The following STIM2 variants were observed in gnomAD, a reference collection of about 807,000 sequenced individuals.
STIM2 encodes stromal interaction molecule 2.
STIM2 carries 31 observed loss-of-function variants against 85.8 expected under a neutral mutation model. That is an observed-to-expected ratio of 0.36 (90% CI 0.27 to 0.49). STIM2 has a LOEUF of 0.49. Ranked by LOEUF, STIM2 falls within the 20% of genes least tolerant of loss-of-function variation. The pLI, the probability that STIM2 is intolerant of heterozygous loss-of-function variation, is 0.98. For missense variants in STIM2, 841 were observed against 927.6 expected, an observed-to-expected ratio of 0.91 and a Z score of 1.21; for synonymous variants, 356 against 331.1, an observed-to-expected ratio of 1.08 and a Z score of -0.82.
At chr4:26,978,736 A>T (rs780910947) in intron 3 of STIM2, among the ~76,000 whole-genome samples, 4 of 152,090 alleles carry the variant, frequency 2.6e-5, no homozygotes, top group Non-Finnish European at 5.9e-5. Context: ...GGTGATTTGG[A>T]GTCTTGTCTC....
chr4:26,939,574 ATT>A (rs1402855334), intron 2 of STIM2, among the ~76,000 whole-genome samples: 1 of 152,164 alleles, frequency 6.6e-6, no homozygotes, highest in Non-Finnish European at 1.5e-5. Flanking sequence ...TTTTACTTTA[ATT>A]GTCAGTCCTT....
At chr4:26,875,830 C>T (rs1438347259) in intron 1 of STIM2, among the ~76,000 whole-genome samples, 1 of 152,100 alleles carries the variant, frequency 6.6e-6, no homozygotes, top group Non-Finnish European at 1.5e-5. Context: ...CCACAAAAGC[C>T]CTTACTAATA....
intron 11 of STIM2, chr4:27,021,017 G>C (rs750475852): frequency 1.3e-6 from 2 of 1,535,916 alleles, no homozygotes; most frequent in Admixed American, 2.0e-5. Flanking sequence ...CCTTGGGCTC[G>C]GTGCGTGCAA....
chr4:27,011,694 C>A (rs1401865437), intron 10 of STIM2, among the ~76,000 whole-genome samples: 1 of 152,052 alleles, frequency 6.6e-6, no homozygotes, highest in Non-Finnish European at 1.5e-5. Flanking sequence ...TTTTTATTTC[C>A]TTGATGACTG....
At chr4:26,873,491 GC>G in intron 1 of STIM2, 1 of 338,286 alleles carries the variant, frequency 3.0e-6, no homozygotes, top group Non-Finnish European at 5.7e-6. Context: ...GAGCAGGGGG[GC>G]TCTGGGTCCC....
chr4:26,874,317 A>G (rs1207819708), intron 1 of STIM2: 3 of 363,748 alleles, frequency 8.2e-6, no homozygotes, highest in East Asian at 6.9e-5. Flanking sequence ...TCCGGCGCAC[A>G]GAGGCCCCTA....
At chr4:26,912,740 C>T (rs1171675155) in intron 1 of STIM2, among the ~76,000 whole-genome samples, 1 of 152,148 alleles carries the variant, frequency 6.6e-6, no homozygotes, top group East Asian at 1.9e-4. Flanking sequence ...TATTCTATTA[C>T]TTCTTGCCTA....
rs1240513260 is a variant in STIM2, at chr4:26,890,052, A to G, written c.151+28683A>G. ...GCCATTTCTTCTTCCAAGCAAAATGAGAGCCAAGTGTGCTGCCCAAAGTTC... is the reference window on the plus strand; with the variant it reads ...GCCATTTCTTCTTCCAAGCAAAATGGGAGCCAAGTGTGCTGCCCAAAGTTC... On this transcript the variant is annotated intron_variant, in intron 1 of 11. Transcript: ENST00000467087. Among the ~76,000 whole-genome samples, 3 of 152,302 alleles carry G rather than the reference A, an allele frequency of 2.0e-5. No individual in the cohort carries two copies. The South Asian group carries it at 6.2e-4, about 32-fold the overall frequency.
At chr4:26,895,624 G>GT (rs1316805535) in intron 1 of STIM2, among the ~76,000 whole-genome samples, 7 of 152,128 alleles carry the variant, frequency 4.6e-5, no homozygotes, top group Non-Finnish European at 1.0e-4. Context: ...AGTTTCATCA[G>GT]TTTTAAGTCT....
At chr4:26,941,885 ACACT>A (rs1245072178) in intron 2 of STIM2, among the ~76,000 whole-genome samples, 7 of 152,180 alleles carry the variant, frequency 4.6e-5, no homozygotes, top group Admixed American at 4.6e-4. Context: ...TGAAAACTAC[ACACT>A]CAATTGTATT....
rs189760996 is a variant in STIM2 at position 26,877,508 on chromosome 4, G to A, written c.151+16139G>A. Among the ~76,000 whole-genome samples the A allele has an allele frequency of 4.4e-3, 663 of 149,196 alleles. 8 individuals carry two copies. The highest frequency in any genetic ancestry group is 0.016 in the African/African-American group (642 of 40,528). On this transcript the variant is annotated intron_variant, in intron 1 of 11. Transcript: ENST00000467087. ...TCTGTTGTTTGCTTTATCTCTTGAC[G>A]ATGGGTTGTTTTTTTTTTTTTCCTT...
intron 3 of STIM2, among the ~76,000 whole-genome samples, chr4:26,975,437 CTTTTTGTTGATGTTGATGCTAT>C (rs1399464213): frequency 6.6e-6 from 1 of 151,854 alleles, no homozygotes; most frequent in Non-Finnish European, 1.5e-5. Context: ...TGTAGATGAC[CTTTTTGTTGATGTTGATGCTAT>C]TCCTTTCTGT....
intron 1 of STIM2, among the ~76,000 whole-genome samples, chr4:26,889,372 C>T (rs2109043338): frequency 6.6e-6 from 1 of 152,282 alleles, no homozygotes; most frequent in South Asian, 2.1e-4. Flanking sequence ...TAGTATGGGT[C>T]CACTGTTACA....
intron 3 of STIM2, among the ~76,000 whole-genome samples, chr4:26,983,554 G>A (rs191009678): frequency 1.3e-5 from 2 of 152,270 alleles, no homozygotes; most frequent in East Asian, 3.9e-4. Flanking sequence ...TCTGAGTACA[G>A]TTGCCTTGAA....
chr4:26,903,965 C>CT (rs1472866217), intron 1 of STIM2, among the ~76,000 whole-genome samples: 1 of 151,160 alleles, frequency 6.6e-6, no homozygotes, highest in Non-Finnish European at 1.5e-5. Context: ...TTTTATTATA[C>CT]TTTAAGTTTT....
chr4:26,953,071 A>T, intron 2 of STIM2, among the ~76,000 whole-genome samples: 1 of 152,114 alleles, frequency 6.6e-6, no homozygotes, highest in Non-Finnish European at 1.5e-5. Context: ...GACCTTGGAC[A>T]TTGTGTTGTT....
At chr4:26,999,562 A>G (rs1728072995) in intron 5 of STIM2, among the ~76,000 whole-genome samples, 1 of 152,222 alleles carries the variant, frequency 6.6e-6, no homozygotes, top group African/African-American at 2.4e-5. Flanking sequence ...TACTAATGTA[A>G]GAAGTTATAT....
rs577776224 is a variant in STIM2 at position 26,875,789 on chromosome 4, G to T, written c.151+14420G>T. 1.5e-3 allele frequency among the ~76,000 whole-genome samples: 225 copies of T among 152,186 alleles called. 1 individual carries two copies. Among genetic ancestry groups the T allele is most frequent in the African/African-American group, 5.3e-3 (219 of 41,516 alleles). The stretch of plus-strand genomic sequence containing the variant: ...ATTTCAAATTGAAAAACAGACCTTT[G>T]GGAAAAATAGGCTTTAGAGATACTG... On this transcript the variant is annotated intron_variant, in intron 1 of 11. Transcript: ENST00000467087.
Position 27,017,788 on chromosome 4 carries a change from T to C in STIM2, c.1567T>C (p.Ser523Pro), listed in dbSNP as rs370564030. The change falls in exon 11 of 12, where the codon TCG becomes CCG. Residue 523 changes from serine (S) to proline (P), a missense_variant. By Grantham distance (74) the Ser-to-Pro change is moderately conservative. This residue lies in a region of STIM2 where 293 missense variants were observed against 284.5 expected (regional missense o/e 1.03). Transcript: ENST00000467087. ...TTCACGCCGCAGCATTGTGCCGTCC[T>C]CGCCTCAGCCTCAGCGAGCTCAGCT... 7.4e-6 allele frequency: 12 copies of C among 1,614,012 alleles called. No individual in the cohort carries two copies. The African/African-American group carries it at 1.5e-4, about 20-fold the overall frequency.
Sources: allele counts gnomAD v4.1 joint callset (sites outside exome capture counted in the v4.1 genomes callset), GRCh38; gene constraint gnomAD v4.1.1; regional missense constraint gnomAD v4.1.1; transcripts MANE v1.5; gene names NCBI Gene and HGNC (gene_info 2026-07-23, HGNC 2026-07-21).